Variants in COL11A2 observed in about 807,000 individuals in gnomAD.
COL11A2 encodes collagen type XI alpha 2 chain.
Under a neutral mutation model 273.4 loss-of-function variants are expected in COL11A2, and 116 were observed. The observed-to-expected ratio is 0.42, with a 90% confidence interval of 0.36 to 0.49. The LOEUF (loss-of-function observed/expected upper bound fraction) is 0.49, where lower values mean the gene tolerates loss of function less well. COL11A2 is among the 20% of genes least tolerant of loss of function. COL11A2 has a pLI of 0.00. For synonymous variants in COL11A2, 782 were observed against 864.2 expected (o/e 0.90, Z 1.67); for missense variants, 1,866 against 2,309.0 (o/e 0.81, Z 3.93).
intron 31 of COL11A2, 138 bp downstream of exon 31, chr6:33,174,389 C>A: frequency 7.3e-7 from 1 of 1,374,200 alleles, no homozygotes; most frequent in South Asian, 1.3e-5. Context: ...CTCTTTCGGT[C>A]ATCTGTAAAA....
Position 33,167,062 on chromosome 6 carries a change from T to TC in COL11A2, c.4230+7dup, listed in dbSNP as rs747563161. 1.8e-5 allele frequency: 29 copies of TC among 1,613,316 alleles called. No individual in the cohort carries two copies. Among genetic ancestry groups the TC allele is most frequent in the Middle Eastern group, 1.8e-4 (1 of 5,592 alleles). ...AGACACCTGGCCACGTGTCTGTCTG[T>TC]CACTCACCTTCTCTCCCTTGGCTCC... On this transcript the variant is annotated splice_region_variant and intron_variant, in intron 58 of 65. Transcript: ENST00000341947. The surrounding 1 kb of genome is among the most constrained non-coding windows in gnomAD (Gnocchi z 6.1).
Position 33,167,457 on chromosome 6 carries a change from G to A in COL11A2, c.4091C>T (p.Pro1364Leu). 1.2e-6 allele frequency: 2 copies of A among 1,612,838 alleles called. No individual in the cohort carries two copies. The highest frequency in any genetic ancestry group is 1.7e-6 in the Non-Finnish European group (2 of 1,180,004). ...GPAGPAGKPG[P>L]DGLRGLPGSV... ...GCCTGGGAGCCCCCTCAGACCATCA[G>A]GGCCAGGTTTCCCTGCTGGGCCTGC... The change falls in exon 56 of 66, where the codon CCT becomes CTT. Residue 1364 changes from proline (P) to leucine (L), a missense_variant. By Grantham distance (98) the Pro-to-Leu change is moderately conservative (BLOSUM62 -3). Coordinates refer to ENST00000341947, the MANE Select transcript of COL11A2 (RefSeq NM_080680.3). The surrounding 1 kb of genome is among the most constrained non-coding windows in gnomAD (Gnocchi z 6.1).
At chr6:33,172,982 G>A in intron 38 of COL11A2, 78 bp downstream of exon 38, 3 of 1,474,462 alleles carry the variant, frequency 2.0e-6, no homozygotes, top group Non-Finnish European at 2.8e-6. Flanking sequence ...CCGGGGCAGG[G>A]GCGTGTGACC....
rs1288219287 is a variant in COL11A2, at chr6:33,170,110, G to A, written c.3583-10C>T. 6.2e-7 allele frequency: 1 copy of A among 1,613,032 alleles called. No individual in the cohort carries two copies. Among genetic ancestry groups the A allele is most frequent in the Non-Finnish European group, 8.5e-7 (1 of 1,180,014 alleles). On this transcript the variant is annotated splice_polypyrimidine_tract_variant and intron_variant, in intron 48 of 65. Coordinates refer to ENST00000341947, the MANE Select transcript of COL11A2 (RefSeq NM_080680.3). The surrounding 1 kb of genome is among the most constrained non-coding windows in gnomAD (Gnocchi z 4.3). ...GGGGACCTTGTGGGCCCTGGAAGAG[G>A]AACAGAAATAGGTGTCATTGCTTAG...
Position 33,164,196 on chromosome 6 carries a change from G to A in COL11A2, c.5070+71C>T. ...TGCTCCCCCTGGGTGCCCTGCCCAA[G>A]GGGTCTTCCCACCTCCTTCCTCCAG... On this transcript the variant is annotated intron_variant, in intron 65 of 65. Coordinates refer to ENST00000341947, the MANE Select transcript of COL11A2 (RefSeq NM_080680.3). The surrounding 1 kb of genome is among the most constrained non-coding windows in gnomAD (Gnocchi z 4.7). The A allele has an allele frequency of 6.4e-7, 1 of 1,565,542 alleles. No homozygotes were observed. The highest frequency in any genetic ancestry group is 1.7e-5 in the Admixed American group (1 of 57,450).
Position 33,176,291 on chromosome 6 carries a change from T to A in COL11A2, c.2182A>T (p.Ile728Phe), listed in dbSNP as rs188490457. The A allele has an allele frequency of 2.0e-4, 318 of 1,607,274 alleles. 1 individual carries two copies. The highest frequency in any genetic ancestry group is 8.0e-4 in the Admixed American group (47 of 59,050). Residue 728 changes from isoleucine (I) to phenylalanine (F), a missense_variant, in exon 28 of 66, where the codon ATT (isoleucine) becomes TTT (phenylalanine). Ile to Phe is a conservative substitution (Grantham distance 21, BLOSUM62 0). Transcript: ENST00000341947. The surrounding 1 kb of genome is among the most constrained non-coding windows in gnomAD (Gnocchi z 4.9). ...GPRGVKGVDG[I>F]RGLKGHKGEK... is the part of the protein sequence containing the mutation. ...CCCTTATGACCCTTCAGACCCCGAA[T>A]TCCGTCCACACCCTAGAATTAGAGA...
chr6:33,171,358 A>G (rs774168331), intron 43 of COL11A2, 34 bp from the exon 44 acceptor site: 1 of 1,613,870 alleles, frequency 6.2e-7, no homozygotes, highest in Non-Finnish European at 8.5e-7. Flanking sequence ...TATTAGAGAA[A>G]GGTGATGGGT....
At chr6:33,185,829 G>C (rs780579858) in intron 5 of COL11A2, 51 bp from the exon 6 acceptor site, 45 of 621,782 alleles carry the variant, frequency 7.2e-5, no homozygotes, top group Admixed American at 1.2e-4. Flanking sequence ...TAATTGGAAG[G>C]TGTGGGGTGA....
At chr6:33,181,360 G>A (rs2150589685) in intron 8 of COL11A2, among the ~76,000 whole-genome samples, 190 bp from the exon 9 acceptor site, 1 of 136,498 alleles carries the variant, frequency 7.3e-6, no homozygotes, top group African/African-American at 2.8e-5. Flanking sequence ...GGAGACCTCA[G>A]GGTTCCCTGC....
rs1769657801 is a variant in COL11A2, at chr6:33,169,130, G to C, written c.3799-122C>G. The C allele has an allele frequency of 2.1e-6, 2 of 968,718 alleles. No individual in the cohort carries two copies. Among genetic ancestry groups the C allele is most frequent in the South Asian group, 1.6e-5 (1 of 62,048 alleles). 60.0% of individuals were successfully genotyped at this position (968,718 alleles called of 1,614,324 possible). On this transcript the variant is annotated intron_variant, in intron 51 of 65. Coordinates refer to ENST00000341947, the MANE Select transcript of COL11A2 (RefSeq NM_080680.3). The surrounding 1 kb of genome is among the most constrained non-coding windows in gnomAD (Gnocchi z 5.5). ...TGCCCACCAGTACCCCCCAGGAAGA[G>C]GTCTCCTGCACCCCTTTCCCTACCA...
At chr6:33,181,697 G>A (rs951440494) in intron 8 of COL11A2, among the ~76,000 whole-genome samples, 6 of 151,848 alleles carry the variant, frequency 4.0e-5, no homozygotes, top group Non-Finnish European at 7.4e-5. Flanking sequence ...TGTTGGCCAG[G>A]CTGGTCTCAA....
At position 33,167,713 on chromosome 6, in the gene COL11A2, A is replaced by G; in HGVS notation, c.4014+86T>C. The G allele has an allele frequency of 6.6e-7, 1 of 1,525,530 alleles. No homozygotes were observed. The highest frequency in any genetic ancestry group is 9.0e-7 in the Non-Finnish European group (1 of 1,107,642). 94.5% of individuals were successfully genotyped at this position (1,525,530 alleles called of 1,614,324 possible). A position where few individuals can be genotyped will look rare whatever the true frequency, so the allele number is the denominator to read the frequency against. On this transcript the variant is annotated intron_variant, in intron 55 of 65. Coordinates refer to ENST00000341947, the MANE Select transcript of COL11A2 (RefSeq NM_080680.3). The surrounding 1 kb of genome is among the most constrained non-coding windows in gnomAD (Gnocchi z 6.1). ...TAAGGGCCCAACATGGGAGAGGTGG[A>G]GATGGGGTGGGCATCTGGAGACGGA...
In COL11A2 at chr6:33,174,164, C is replaced by G; in HGVS notation, c.2484+1G>C. Reference sequence around the variant, plus strand: ...TCACGCCCTCCCACCCCCCAGCTTACCCGGGCTCCCTTCTCTCCACTGGCA... The same window carrying G: ...TCACGCCCTCCCACCCCCCAGCTTAGCCGGGCTCCCTTCTCTCCACTGGCA... On this transcript the variant is annotated splice_donor_variant, in intron 32 of 65. Transcript: ENST00000341947. LOFTEE classifies it high-confidence loss of function. 1 of 1,587,720 alleles carries G rather than the reference C, an allele frequency of 6.3e-7. No homozygotes were observed. The highest frequency in any genetic ancestry group is 8.6e-7 in the Non-Finnish European group (1 of 1,166,832).
At position 33,168,686 on chromosome 6, in the gene COL11A2, T is replaced by G. The variant is rs1279898814; in HGVS notation, c.3906+20A>C. 1 of 1,588,730 alleles carries G rather than the reference T, an allele frequency of 6.3e-7. No homozygotes were observed. The highest frequency in any genetic ancestry group is 8.6e-7 in the Non-Finnish European group (1 of 1,167,326). On this transcript the variant is annotated intron_variant, in intron 53 of 65. Transcript: ENST00000341947. ...ATGAGGCTTGGGCTCAGGGGGGTGG[T>G]GGGGTCACCAGGCACTCACAGGCTG...
rs1769239167 is a variant in COL11A2 at position 33,166,934 on chromosome 6, G to A, written c.4231-107C>T. The A allele has an allele frequency of 2.0e-6, 3 of 1,505,532 alleles. No individual in the cohort carries two copies. The African/African-American group carries it at 4.1e-5, about 21-fold the overall frequency. 93.3% of individuals were successfully genotyped at this position (1,505,532 alleles called of 1,614,324 possible). A position where few individuals can be genotyped will look rare whatever the true frequency, so the allele number is the denominator to read the frequency against. On this transcript the variant is annotated intron_variant, in intron 58 of 65. Transcript: ENST00000341947. The surrounding 1 kb of genome is among the most constrained non-coding windows in gnomAD (Gnocchi z 4.8). The stretch of plus-strand genomic sequence containing the variant: ...GGAGCCGGGCACAGGGTCCGTGAGT[G>A]GCCCTCACTGAGCAGGGACTCCCTG...
In COL11A2 at chr6:33,172,333, C is replaced by T. The variant is rs1416029941; in HGVS notation, c.2944G>A (p.Gly982Ser). Reference sequence around the variant, plus strand: ...CTCTCTCCTGGGAATCCCCTCAGACCAGCAGGACCATCCTTCCCTGGGGCC... The same window carrying T: ...CTCTCTCCTGGGAATCCCCTCAGACTAGCAGGACCATCCTTCCCTGGGGCC... ...PGAPGKDGPAGLRGFPGERGL... is the reference protein window; with the variant it reads ...PGAPGKDGPASLRGFPGERGL... Residue 982 changes from glycine (G) to serine (S), a missense_variant, in exon 40 of 66, where the codon GGT becomes AGT. Gly to Ser is a moderately conservative substitution (Grantham distance 56, BLOSUM62 0). Coordinates refer to ENST00000341947, the MANE Select transcript of COL11A2 (RefSeq NM_080680.3). 1.3e-6 allele frequency: 2 copies of T among 1,589,772 alleles called. No individual in the cohort carries two copies. The highest frequency in any genetic ancestry group is 1.7e-6 in the Non-Finnish European group (2 of 1,168,976).
chr6:33,166,629 G>T lies in COL11A2; in HGVS notation c.4339-63C>A, dbSNP rs757461695. ...CCCACACCCTCCTGAGCACCTGCTC[G>T]CTTACCCACAGCTGAGTCCCAACTC... is the stretch of plus-strand genomic sequence containing the variant. On this transcript the variant is annotated intron_variant, in intron 59 of 65. Coordinates refer to ENST00000341947, the MANE Select transcript of COL11A2 (RefSeq NM_080680.3). The surrounding 1 kb of genome is among the most constrained non-coding windows in gnomAD (Gnocchi z 4.8). 1.2e-5 allele frequency: 20 copies of T among 1,610,066 alleles called. No homozygotes were observed. Among genetic ancestry groups the T allele is most frequent in the Non-Finnish European group, 1.7e-5 (20 of 1,177,218 alleles).
At chr6:33,180,467 TG>T in intron 11 of COL11A2, 135 bp from the exon 12 acceptor site, 1 of 933,942 alleles carries the variant, frequency 1.1e-6, no homozygotes, top group Non-Finnish European at 1.6e-6. Context: ...CCCACCCCCA[TG>T]GGGAAAATTG....
chr6:33,177,515 C>A lies in COL11A2; in HGVS notation c.1918-50G>T, dbSNP rs780949757. ...GTCAGAAGGAGATGGAGATAGAACACATTTAGAGCATGGAGCTGAGTCCCA... is the reference window on the plus strand; with the variant it reads ...GTCAGAAGGAGATGGAGATAGAACAAATTTAGAGCATGGAGCTGAGTCCCA... On this transcript the variant is annotated intron_variant, in intron 22 of 65. Coordinates refer to ENST00000341947, the MANE Select transcript of COL11A2 (RefSeq NM_080680.3). This position sits in a 1 kb window ranked among gnomAD's most constrained non-coding sequence, Gnocchi z 5.9. The A allele has an allele frequency of 5.0e-6, 8 of 1,602,464 alleles. No homozygotes were observed. In the Admixed American group the frequency reaches 1.3e-4, roughly 27 times the overall value.
Sources: gnomAD v4.1 joint callset for allele counts (sites outside exome capture counted in the v4.1 genomes callset) on GRCh38, gnomAD v4.1.1 for gene constraint, Gnocchi (gnomAD v3.1) non-coding constraint, MANE v1.5 for transcripts, NCBI Gene and HGNC (gene_info 2026-07-23, HGNC 2026-07-21) for gene names.